The following FER variants were observed in gnomAD, a reference collection of about 807,000 sequenced individuals.
FER encodes the protein tyrosine-protein kinase Fer.
A neutral mutation model predicts 111.0 loss-of-function variants in FER; 63 were observed. The observed-to-expected ratio is 0.57, with a 90% CI of 0.46 to 0.70. The LOEUF is 0.70. Ranked by LOEUF, FER falls within the 30% of genes least tolerant of loss-of-function variation. FER has a pLI of 0.00. For missense variants in FER, 914 were observed against 954.0 expected (o/e 0.96, Z 0.55); for synonymous variants, 327 against 313.9 (o/e 1.04, Z -0.44).
chr5:108,896,811 T>C (rs898913045), intron 9 of FER, among the ~76,000 whole-genome samples: 87 of 152,216 alleles, frequency 5.7e-4, no homozygotes, highest in African/African-American at 1.9e-3. Flanking sequence ...TTTTCCAATT[T>C]TGACATTTTG....
intron 17 of FER, among the ~76,000 whole-genome samples, chr5:109,124,602 G>T (rs1470456687): frequency 1.1e-4 from 17 of 151,206 alleles, no homozygotes; most frequent in African/African-American, 3.2e-4. Context: ...TGTTGTTGTT[G>T]TTGTTGTTGT....
intron 8 of FER, among the ~76,000 whole-genome samples, chr5:108,872,757 A>G (rs1477565170): frequency 6.6e-6 from 1 of 152,224 alleles, no homozygotes; most frequent in Non-Finnish European, 1.5e-5. Flanking sequence ...CTTTTCAAAC[A>G]TTAAAAGCAA....
At chr5:109,042,000 G>C (rs981663393) in intron 14 of FER, among the ~76,000 whole-genome samples, 1 of 152,148 alleles carries the variant, frequency 6.6e-6, no homozygotes, top group Non-Finnish European at 1.5e-5. Flanking sequence ...CCAGGATTTT[G>C]TTAGAACAGG....
intron 14 of FER, among the ~76,000 whole-genome samples, chr5:109,040,527 G>C (rs1418787704): frequency 1.3e-5 from 2 of 152,154 alleles, no homozygotes; most frequent in Non-Finnish European, 2.9e-5. Context: ...ATTTAGCAAT[G>C]AGAGGATCAC....
At chr5:108,992,594 C>G (rs913559378) in intron 13 of FER, among the ~76,000 whole-genome samples, 20 of 151,464 alleles carry the variant, frequency 1.3e-4, no homozygotes, top group African/African-American at 4.1e-4. Flanking sequence ...AGAGGCGCCC[C>G]TTACCTCCCA....
chr5:109,087,751 A>C (rs1473634397), intron 16 of FER, among the ~76,000 whole-genome samples: 1 of 151,706 alleles, frequency 6.6e-6, no homozygotes, highest in African/African-American at 2.4e-5. Context: ...TGGACTTTAA[A>C]TATTAATCAG....
At chr5:109,094,603 G>A (rs77725166) in intron 16 of FER, among the ~76,000 whole-genome samples, 10,591 of 152,030 alleles carry the variant, frequency 0.07, 932 homozygotes, top group African/African-American at 0.2. Context: ...TTAAGGTTTT[G>A]TGGGCCATAC....
At chr5:108,881,092 T>C (rs914973004) in intron 8 of FER, among the ~76,000 whole-genome samples, 1 of 152,186 alleles carries the variant, frequency 6.6e-6, no homozygotes, top group Non-Finnish European at 1.5e-5. Context: ...TCTCAGAGTA[T>C]TGATAAAACT....
intron 2 of FER, among the ~76,000 whole-genome samples, chr5:108,792,194 A>G (rs2150027468): frequency 6.6e-6 from 1 of 152,296 alleles, no homozygotes; most frequent in Non-Finnish European, 1.5e-5. Flanking sequence ...AGATTTTAGG[A>G]TAGCTTGTCA....
chr5:108,940,165 G>A (rs1477225524), intron 10 of FER, among the ~76,000 whole-genome samples: 1 of 152,046 alleles, frequency 6.6e-6, no homozygotes, highest in African/African-American at 2.4e-5. Context: ...TCTGAGGAAT[G>A]TAGCCTTTAA....
At chr5:109,044,182 C>CT (rs577263932) in intron 14 of FER, among the ~76,000 whole-genome samples, 7,212 of 132,460 alleles carry the variant, frequency 0.054, 387 homozygotes, top group African/African-American at 0.14. Flanking sequence ...TAAATCAGGC[C>CT]TTTTTTTTTT....
At chr5:109,172,627 A>T (rs1043173879) in intron 17 of FER, among the ~76,000 whole-genome samples, 3 of 152,006 alleles carry the variant, frequency 2.0e-5, no homozygotes, top group African/African-American at 7.2e-5. Context: ...TAAAACTTAA[A>T]GTATAATAAT....
intron 10 of FER, among the ~76,000 whole-genome samples, chr5:108,937,728 G>C (rs757120396): frequency 1.4e-4 from 21 of 151,932 alleles, no homozygotes; most frequent in Non-Finnish European, 2.7e-4. Flanking sequence ...TCAAGTAAGA[G>C]AAGTGGAAAA....
intron 18 of FER, 122 bp downstream of exon 18, chr5:109,181,023 C>A: frequency 1.4e-6 from 1 of 719,808 alleles, no homozygotes; most frequent in Non-Finnish European, 2.1e-6. Flanking sequence ...AGGATCAACA[C>A]AAATAAGTGA....
At chr5:109,184,671 C>G (rs978449788) in intron 18 of FER, among the ~76,000 whole-genome samples, 1 of 152,170 alleles carries the variant, frequency 6.6e-6, no homozygotes, top group Non-Finnish European at 1.5e-5. Context: ...GAATGCCAAG[C>G]ATGAAATGAT....
At chr5:108,866,686 T>TA (rs201171281) in intron 5 of FER, among the ~76,000 whole-genome samples, 4 of 151,100 alleles carry the variant, frequency 2.6e-5, no homozygotes, top group Admixed American at 6.6e-5. Flanking sequence ...TTATTTACAT[T>TA]AAAAAAAAAG....
At chr5:108,762,856 TTC>T (rs1389966159) in intron 1 of FER, among the ~76,000 whole-genome samples, 1 of 152,246 alleles carries the variant, frequency 6.6e-6, no homozygotes, top group East Asian at 1.9e-4. Context: ...TGTGACTAAC[TTC>T]CTTATCTCCT....
chr5:108,858,438 A>G (rs1763203466), intron 5 of FER, among the ~76,000 whole-genome samples: 1 of 152,112 alleles, frequency 6.6e-6, no homozygotes, highest in Admixed American at 6.5e-5. Context: ...AAAGTTACTT[A>G]GTTTTTTACA....
chr5:109,099,743 C>A (rs1747992240), intron 16 of FER, among the ~76,000 whole-genome samples: 1 of 151,434 alleles, frequency 6.6e-6, no homozygotes, highest in Non-Finnish European at 1.5e-5. Flanking sequence ...CAAATTACTA[C>A]TTAGCTCATG....
Sources: allele counts gnomAD v4.1 joint callset (sites outside exome capture counted in the v4.1 genomes callset), GRCh38; gene constraint gnomAD v4.1.1; transcripts MANE v1.5; gene names NCBI Gene and HGNC (gene_info 2026-07-23, HGNC 2026-07-21).